Variants in APLP2 observed in about 807,000 individuals in gnomAD.
APLP2 encodes amyloid beta precursor like protein 2, also known as CDEI box-binding protein.
A neutral mutation model predicts 89.9 loss-of-function variants in APLP2; 53 were observed. That is an observed-to-expected ratio of 0.59 (90% CI 0.47 to 0.74). The LOEUF is 0.74. APLP2 is among the 30% of genes least tolerant of loss of function. APLP2 has a pLI of 0.00. For missense variants in APLP2, 973 were observed against 975.9 expected (o/e 1.00, Z 0.04); for synonymous variants, 372 against 348.6 (o/e 1.07, Z -0.75).
intron 3 of APLP2, among the ~76,000 whole-genome samples, chr11:130,114,863 G>GGTGC (rs1948992005): frequency 1.3e-5 from 2 of 152,146 alleles, no homozygotes; most frequent in South Asian, 4.1e-4. Flanking sequence ...GCAGCTTTGA[G>GGTGC]GTGCTGTCTT....
At chr11:130,072,248 TG>T (rs1335522850) in intron 1 of APLP2, among the ~76,000 whole-genome samples, 2 of 152,226 alleles carry the variant, frequency 1.3e-5, no homozygotes, top group African/African-American at 2.4e-5. Flanking sequence ...TACTGTGCAG[TG>T]GATGACTAGG....
In APLP2 at chr11:130,070,055, TGCCTTGGCGCTG is replaced by T. The variant is rs2135252223; in HGVS notation, c.82_93del (p.Leu28_Ala31del). ...TGCTGCTGGTGGGGCTCACGGCGCC[TGCCTTGGCGCTG>T]GCCGGCTACATCGAGGTGGGGACCG... On this transcript the variant is annotated inframe_deletion, in exon 1 of 17. Coordinates refer to ENST00000338167, the MANE Select transcript of APLP2 (RefSeq NM_001142276.2). 6.7e-7 allele frequency: 1 copy of T among 1,500,820 alleles called. No individual in the cohort carries two copies. The highest frequency in any genetic ancestry group is 1.4e-5 in the African/African-American group (1 of 68,994). 93.0% of individuals were successfully genotyped at this position (1,500,820 alleles called of 1,614,324 possible).
intron 1 of APLP2, chr11:130,070,460 G>A (rs186094075): frequency 4.8e-6 from 4 of 836,706 alleles, no homozygotes; most frequent in African/African-American, 3.7e-5. Context: ...GCCGGAGTCC[G>A]CGGCTGGGCT....
intron 1 of APLP2, among the ~76,000 whole-genome samples, chr11:130,102,355 T>A (rs1411835012): frequency 1.3e-5 from 2 of 152,106 alleles, no homozygotes; most frequent in African/African-American, 4.8e-5. Flanking sequence ...GAAGGCCTGC[T>A]TCATTCCGCG....
rs185343471 is a variant in APLP2, at chr11:130,116,597, T to C, written c.404-4109T>C. Among the ~76,000 whole-genome samples, 944 of 152,152 alleles carry C rather than the reference T, an allele frequency of 6.2e-3. 17 individuals are homozygous for C. Among genetic ancestry groups the C allele is most frequent in the African/African-American group, 0.022 (907 of 41,526 alleles). On this transcript the variant is annotated intron_variant, in intron 3 of 16. Coordinates refer to ENST00000338167, the MANE Select transcript of APLP2 (RefSeq NM_001142276.2). ...GTCCTGCGTGTCCCCCTTTCCACCC[T>C]GCAGCTGAGATTACAGGCATTCGCC... is the stretch of plus-strand genomic sequence containing the variant.
At chr11:130,084,894 A>G (rs2135455466) in intron 1 of APLP2, among the ~76,000 whole-genome samples, 1 of 152,286 alleles carries the variant, frequency 6.6e-6, no homozygotes, top group East Asian at 1.9e-4. Context: ...TTGAAAAGAT[A>G]AGCAAAATTG....
chr11:130,090,892 G>T (rs1459643177), intron 1 of APLP2, among the ~76,000 whole-genome samples: 1 of 147,552 alleles, frequency 6.8e-6, no homozygotes, highest in African/African-American at 2.6e-5. Flanking sequence ...CGGGCGGGGG[G>T]GCTGACCCCC....
intron 1 of APLP2, among the ~76,000 whole-genome samples, chr11:130,083,476 A>T (rs560116422): frequency 6.6e-6 from 1 of 152,314 alleles, no homozygotes; most frequent in South Asian, 2.1e-4. Flanking sequence ...GAAACTTTAT[A>T]CCTGTTGAAT....
At chr11:130,102,646 A>G (rs1947102440) in intron 1 of APLP2, among the ~76,000 whole-genome samples, 1 of 152,180 alleles carries the variant, frequency 6.6e-6, no homozygotes, top group African/African-American at 2.4e-5. Flanking sequence ...TTGTGAAGGG[A>G]GGTAGGCTTA....
At chr11:130,111,259 T>C (rs574815061) in intron 3 of APLP2, among the ~76,000 whole-genome samples, 5 of 152,310 alleles carry the variant, frequency 3.3e-5, no homozygotes, top group African/African-American at 1.2e-4. Flanking sequence ...GAAACAGAGT[T>C]GTTGCTTCAA....
At chr11:130,109,193 T>C (rs1948207399) in intron 1 of APLP2, 1 of 279,906 alleles carries the variant, frequency 3.6e-6, no homozygotes, top group African/African-American at 2.2e-5. Flanking sequence ...GAACTTAAAA[T>C]ATAATAAATA....
intron 1 of APLP2, among the ~76,000 whole-genome samples, chr11:130,077,098 T>G (rs1010805698): frequency 1.3e-5 from 2 of 152,220 alleles, no homozygotes; most frequent in African/African-American, 4.8e-5. Context: ...GCATTCCCTG[T>G]CTGGGAAGTT....
chr11:130,070,129 A>T, intron 1 of APLP2, 47 bp downstream of exon 1: 1 of 1,252,050 alleles, frequency 8.0e-7, no homozygotes, highest in South Asian at 2.0e-5. Context: ...CGCCCGCCGG[A>T]GGAGCGCGGA....
chr11:130,079,383 G>A (rs1942752277), intron 1 of APLP2, among the ~76,000 whole-genome samples: 1 of 152,164 alleles, frequency 6.6e-6, no homozygotes. Context: ...ATAGGTGTGA[G>A]CCACTACGCC....
intron 1 of APLP2, among the ~76,000 whole-genome samples, chr11:130,094,936 T>C (rs1945991650): frequency 6.6e-6 from 1 of 152,224 alleles, no homozygotes; most frequent in Non-Finnish European, 1.5e-5. Flanking sequence ...AGCTAGTGTG[T>C]CTGACTACAC....
At chr11:130,117,205 G>A (rs12281267) in intron 3 of APLP2, among the ~76,000 whole-genome samples, 42,505 of 152,142 alleles carry the variant, frequency 0.28, 12,061 homozygotes, top group African/African-American at 0.73. Flanking sequence ...TTTAGAGATC[G>A]AACAGATTGA....
rs577880398 is a variant in APLP2 at position 130,136,018 on chromosome 11, G to A, written c.1837+303G>A. ...TACATGGGGGAGGCACTTGGCAGTT[G>A]AAACAGCGCCTTCCTGTTATGGTGT... On this transcript the variant is annotated intron_variant, in intron 13 of 16. Coordinates refer to ENST00000338167, the MANE Select transcript of APLP2 (RefSeq NM_001142276.2). 1.4e-4 allele frequency among the ~76,000 whole-genome samples: 22 copies of A among 152,296 alleles called. No individual in the cohort carries two copies. The South Asian group carries it at 4.6e-3, about 32-fold the overall frequency.
intron 1 of APLP2, among the ~76,000 whole-genome samples, chr11:130,104,206 C>CTTTTTT (rs59598831): frequency 7.8e-5 from 6 of 76,988 alleles, no homozygotes; most frequent in Admixed American, 1.5e-4. Flanking sequence ...TGGTACACAT[C>CTTTTTT]TTTTTTTTTT....
intron 11 of APLP2, among the ~76,000 whole-genome samples, chr11:130,132,094 C>T (rs1950988433): frequency 6.6e-6 from 1 of 152,096 alleles, no homozygotes; most frequent in Admixed American, 6.5e-5. Context: ...TTGCAGTCTC[C>T]CGCTCTGTGG....
Sources: gnomAD v4.1 joint callset for allele counts (sites outside exome capture counted in the v4.1 genomes callset) on GRCh38, gnomAD v4.1.1 for gene constraint, MANE v1.5 for transcripts, NCBI Gene and HGNC (gene_info 2026-07-23, HGNC 2026-07-21) for gene names.